The following LARGE1 variants were observed in gnomAD, a reference collection of about 807,000 sequenced individuals.
LARGE1 encodes the protein LARGE xylosyl- and glucuronyltransferase 1.
LARGE1 carries 43 observed loss-of-function variants against 87.6 expected under a neutral mutation model. The ratio of observed to expected loss-of-function variants is 0.49; its 90% CI spans 0.38 to 0.63. The LOEUF is 0.63. Among genes scored for constraint, LARGE1 ranks in the 30% least tolerant of loss-of-function variants. The pLI is 0.00. For synonymous variants in LARGE1, 434 were observed against 394.6 expected, an observed-to-expected ratio of 1.10 and a Z score of -1.18; for missense variants, 802 against 1,000.2, an observed-to-expected ratio of 0.80 and a Z score of 2.67.
rs115686643 is a variant in LARGE1 at position 33,316,147 on chromosome 22, G to A, written c.1389C>T (p.Tyr463=). The A allele has an allele frequency of 3.6e-5, 58 of 1,613,970 alleles. No individual in the cohort carries two copies. The highest frequency in any genetic ancestry group is 4.4e-5 in the Non-Finnish European group (52 of 1,180,012). ...VHRTHLYFLH[Y]EYEPAADSTD... Reference sequence around the variant, plus strand: ...TGCTGTCTGCTGCAGGCTCATACTCGTAGTGCAGGAAGTACAGGTGGGTGC... The same window carrying A: ...TGCTGTCTGCTGCAGGCTCATACTCATAGTGCAGGAAGTACAGGTGGGTGC... Residue 463 remains tyrosine, a synonymous_variant, in exon 11 of 15, where the codon TAC becomes TAT. Transcript: ENST00000397394.
intron 12 of LARGE1, among the ~76,000 whole-genome samples, chr22:33,302,891 T>C (rs935263477): frequency 3.3e-5 from 5 of 152,176 alleles, no homozygotes; most frequent in Non-Finnish European, 1.5e-5. Flanking sequence ...CAGGTAGCTA[T>C]ACCTGCCTCT....
intron 1 of LARGE1, among the ~76,000 whole-genome samples, chr22:33,897,119 C>T (rs913775145): frequency 1.3e-5 from 2 of 152,142 alleles, no homozygotes; most frequent in African/African-American, 4.8e-5. Flanking sequence ...CCCTGGAGAG[C>T]TTCTACCTCC....
chr22:33,321,759 T>G (rs1936734348), intron 10 of LARGE1, among the ~76,000 whole-genome samples: 1 of 152,172 alleles, frequency 6.6e-6, no homozygotes, highest in Non-Finnish European at 1.5e-5. Context: ...AAAATGGGCA[T>G]TAGTGAGTGG....
chr22:33,392,630 G>T (rs985387130), intron 7 of LARGE1, among the ~76,000 whole-genome samples: 1 of 151,924 alleles, frequency 6.6e-6, no homozygotes, highest in Non-Finnish European at 1.5e-5. Context: ...CTGTACTCCC[G>T]CCTGGGCAAC....
At chr22:33,157,464 C>A (rs919902630), downstream of LARGE1, among the ~76,000 whole-genome samples, 3 of 152,322 alleles carry the variant, frequency 2.0e-5, no homozygotes, top group East Asian at 5.8e-4. Context: ...CTCCCCACTT[C>A]CCATTTGCAT....
intron 11 of LARGE1, among the ~76,000 whole-genome samples, chr22:33,174,751 A>C (rs1464625404): frequency 1.3e-5 from 2 of 152,214 alleles, no homozygotes; most frequent in African/African-American, 2.4e-5. Flanking sequence ...GGAGAAATGG[A>C]TAAATTCCTG....
the LARGE1 span, among the ~76,000 whole-genome samples, chr22:33,071,656 G>T: frequency 6.6e-6 from 1 of 152,164 alleles, no homozygotes; most frequent in South Asian, 2.1e-4. Context: ...GCATGTAGAA[G>T]ATACTTTATA....
rs557010945 is a variant in LARGE1 at position 33,351,657 on chromosome 22, C to T, written c.1132-13856G>A. ...TAATATATGTAGATACTACTACCCCCTTTGCGAGGAGATGGATCTTAATCC... is the reference window on the plus strand; with the variant it reads ...TAATATATGTAGATACTACTACCCCTTTTGCGAGGAGATGGATCTTAATCC... On this transcript the variant is annotated intron_variant, in intron 9 of 14. Coordinates refer to ENST00000397394, the MANE Select transcript of LARGE1 (RefSeq NM_133642.5). 4.6e-5 allele frequency among the ~76,000 whole-genome samples: 7 copies of T among 152,192 alleles called. No homozygotes were observed. In the East Asian group the frequency reaches 1.3e-3, roughly 29 times the overall value.
chr22:33,250,933 T>A (rs889548701), intron 11 of LARGE1, among the ~76,000 whole-genome samples: 1 of 152,214 alleles, frequency 6.6e-6, no homozygotes, highest in Admixed American at 6.5e-5. Flanking sequence ...TTTATGTTCA[T>A]GGGAGATATT....
rs534046111 is a variant in LARGE1, at chr22:33,613,164, C to T, written c.492-8606G>A. ...CTGATATTGTCTCAGCAATCAAAGG[C>T]GGGCTAACTATCAGCAGCTTGTGTC... On this transcript the variant is annotated intron_variant, in intron 4 of 14. Coordinates refer to ENST00000397394, the MANE Select transcript of LARGE1 (RefSeq NM_133642.5). Among the ~76,000 whole-genome samples the T allele has an allele frequency of 3.9e-5, 6 of 152,148 alleles. No homozygotes were observed. In the East Asian group the frequency reaches 5.8e-4, roughly 15 times the overall value.
intron 1 of LARGE1, among the ~76,000 whole-genome samples, chr22:33,830,967 ATCACCT>A (rs2062947273): frequency 6.6e-6 from 1 of 152,186 alleles, no homozygotes; most frequent in South Asian, 2.1e-4. Flanking sequence ...GGCCTAAACC[ATCACCT>A]TGAAAGTTAG....
chr22:33,468,243 G>A lies in LARGE1; in HGVS notation c.788-35978C>T, dbSNP rs115983901. On this transcript the variant is annotated intron_variant, in intron 6 of 14. Transcript: ENST00000397394. Reference sequence around the variant, plus strand: ...TTCACCCCTCTCAAGCCTCAGCTGAGTTTTGGCCCCATATCACCAATTCTA... The same window carrying A: ...TTCACCCCTCTCAAGCCTCAGCTGAATTTTGGCCCCATATCACCAATTCTA... Among the ~76,000 whole-genome samples the A allele has an allele frequency of 6.9e-3, 1,046 of 152,238 alleles. 9 individuals carry two copies. The highest frequency in any genetic ancestry group is 0.023 in the African/African-American group (943 of 41,528).
At chr22:33,590,737 A>G (rs1031181658) in intron 5 of LARGE1, among the ~76,000 whole-genome samples, 6 of 152,220 alleles carry the variant, frequency 3.9e-5, no homozygotes, top group South Asian at 2.1e-4. Context: ...CTGCTGAGAC[A>G]TACCACAGCT....
intron 9 of LARGE1, among the ~76,000 whole-genome samples, chr22:33,373,314 T>A (rs1332782354): frequency 6.6e-6 from 1 of 152,220 alleles, no homozygotes; most frequent in African/African-American, 2.4e-5. Flanking sequence ...GAGATCATAA[T>A]TTTTAATTCT....
chr22:33,731,612 G>A (rs2149481240), intron 2 of LARGE1, among the ~76,000 whole-genome samples: 1 of 152,190 alleles, frequency 6.6e-6, no homozygotes, highest in East Asian at 1.9e-4. Flanking sequence ...AGTTACACAA[G>A]ATGAGTAAGT....
At chr22:33,239,540 T>TC (rs1362031271) in intron 11 of LARGE1, among the ~76,000 whole-genome samples, 1 of 133,752 alleles carries the variant, frequency 7.5e-6, no homozygotes, top group Non-Finnish European at 1.6e-5. Context: ...CTTTTCTTTT[T>TC]TTTTTTTTTT....
At chr22:33,110,761 T>C in the LARGE1 span, 1 of 152,238 alleles carries the variant, frequency 6.6e-6, no homozygotes, top group East Asian at 1.9e-4. Flanking sequence ...TTGGTTCTTC[T>C]AGTTGTTTAC....
chr22:33,478,826 T>A (rs1456337592), intron 6 of LARGE1, among the ~76,000 whole-genome samples: 1 of 152,212 alleles, frequency 6.6e-6, no homozygotes, highest in Non-Finnish European at 1.5e-5. Flanking sequence ...AAGTCCCTGA[T>A]GTGGCACTTA....
At position 33,384,169 on chromosome 22, in the gene LARGE1, C is replaced by A. The variant is rs1176956852; in HGVS notation, c.1005+23G>T. The A allele has an allele frequency of 1.8e-5, 28 of 1,519,690 alleles. No homozygotes were observed. The Admixed American group carries it at 3.7e-4, about 20-fold the overall frequency. The allele number at this position is 1,519,690 out of a possible 1,614,324, so 94.1% of individuals were successfully genotyped here. A position where few individuals can be genotyped will look rare whatever the true frequency, so the allele number is the denominator to read the frequency against. ...CACCAAGCACACTCAGGAATAGCTG[C>A]ACCTTCGAACCTGGCCACTCACCTG... On this transcript the variant is annotated intron_variant, in intron 8 of 14. Coordinates refer to ENST00000397394, the MANE Select transcript of LARGE1 (RefSeq NM_133642.5).
Sources: gnomAD v4.1 joint callset for allele counts (sites outside exome capture counted in the v4.1 genomes callset) on GRCh38, gnomAD v4.1.1 for gene constraint, MANE v1.5 for transcripts, NCBI Gene and HGNC (gene_info 2026-07-23, HGNC 2026-07-21) for gene names.